SKIC3: variants seen among roughly 807,000 people sequenced by gnomAD.
SKIC3 encodes the protein superkiller complex protein 3.
chr5:95,538,522 C>T, the SKIC3 span, among the ~76,000 whole-genome samples: 2 of 152,054 alleles, frequency 1.3e-5, no homozygotes, highest in African/African-American at 4.8e-5. Flanking sequence ...AATGAACTTC[C>T]TATCCTATAT....
At chr5:95,549,815 T>C in the SKIC3 span, among the ~76,000 whole-genome samples, 35 of 152,044 alleles carry the variant, frequency 2.3e-4, no homozygotes, top group East Asian at 3.3e-3. Context: ...CAAACCCTTA[T>C]TGAGATCCAA....
chr5:95,476,371 C>A, the SKIC3 span, among the ~76,000 whole-genome samples: 1 of 152,138 alleles, frequency 6.6e-6, no homozygotes, highest in Non-Finnish European at 1.5e-5. Context: ...TATCTAGTAT[C>A]TTAGCCAACT....
At chr5:95,520,897 G>A in the SKIC3 span, 8 of 1,083,446 alleles carry the variant, frequency 7.4e-6, no homozygotes, top group African/African-American at 1.3e-4. Flanking sequence ...AAAGTTATTG[G>A]TGTTATTTTA....
chr5:95,484,472 G>C, the SKIC3 span, among the ~76,000 whole-genome samples: 2 of 150,486 alleles, frequency 1.3e-5, no homozygotes, highest in Non-Finnish European at 3.0e-5. Context: ...TCAGCCTCTC[G>C]AGTAGCAGGA....
At chr5:95,472,306 T>G in the SKIC3 span, among the ~76,000 whole-genome samples, 1 of 152,214 alleles carries the variant, frequency 6.6e-6, no homozygotes, top group Non-Finnish European at 1.5e-5. Flanking sequence ...TGCCTACCCT[T>G]GGGATTAATC....
the SKIC3 span, chr5:95,497,508 C>T: frequency 1.2e-6 from 2 of 1,606,564 alleles, no homozygotes; most frequent in Non-Finnish European, 1.7e-6. Context: ...TCAAAAGTAG[C>T]AGGCTTAGGG....
chr5:95,514,840 T>C, the SKIC3 span: 95 of 1,610,146 alleles, frequency 5.9e-5, no homozygotes, highest in Admixed American at 4.5e-4. Flanking sequence ...AGTAACTATA[T>C]GTTATATTTC....
At chr5:95,508,768 T>G in the SKIC3 span, among the ~76,000 whole-genome samples, 1 of 152,230 alleles carries the variant, frequency 6.6e-6, no homozygotes, top group Admixed American at 6.5e-5. Flanking sequence ...CTTTTTTAAT[T>G]TACTGCAAAA....
At chr5:95,534,143 T>C in the SKIC3 span, among the ~76,000 whole-genome samples, 2 of 152,010 alleles carry the variant, frequency 1.3e-5, no homozygotes, top group Admixed American at 1.3e-4. Context: ...CTACTTATCT[T>C]TGGAACACAC....
At chr5:95,514,551 G>A in the SKIC3 span, among the ~76,000 whole-genome samples, 2 of 152,142 alleles carry the variant, frequency 1.3e-5, no homozygotes, top group African/African-American at 4.8e-5. Flanking sequence ...TGTCAGACTG[G>A]TAAGTGTTCA....
At chr5:95,490,397 A>AAT in the SKIC3 span, among the ~76,000 whole-genome samples, 190 of 147,136 alleles carry the variant, frequency 1.3e-3, no homozygotes, top group African/African-American at 1.4e-3. Context: ...ATTTTTAATG[A>AAT]ATATATATAT....
At chr5:95,507,930 C>CAAA in the SKIC3 span, among the ~76,000 whole-genome samples, 1,629 of 138,734 alleles carry the variant, frequency 0.012, 23 homozygotes, top group African/African-American at 0.038. Flanking sequence ...CGATACATAC[C>CAAA]AAAAAAAAAA....
chr5:95,525,727 A>G, the SKIC3 span: 2 of 1,541,806 alleles, frequency 1.3e-6, no homozygotes, highest in Non-Finnish European at 1.8e-6. Context: ...CAACCACAGC[A>G]ATGTTTGCTT....
the SKIC3 span, among the ~76,000 whole-genome samples, chr5:95,536,269 C>T: frequency 6.6e-6 from 1 of 152,184 alleles, no homozygotes; most frequent in African/African-American, 2.4e-5. Flanking sequence ...AATTTAATTA[C>T]TTTATAATAT....
At chr5:95,495,001 C>T in the SKIC3 span, 1 of 1,613,798 alleles carries the variant, frequency 6.2e-7, no homozygotes, top group Non-Finnish European at 8.5e-7. Context: ...AGCCACATTT[C>T]CTGCTACAAC....
the SKIC3 span, chr5:95,522,180 G>A: frequency 8.1e-6 from 13 of 1,613,782 alleles, no homozygotes; most frequent in Non-Finnish European, 1.1e-5. Context: ...ATGGATTCTG[G>A]GTTCAGCTCA....
At chr5:95,473,577 G>A in the SKIC3 span, among the ~76,000 whole-genome samples, 1 of 152,142 alleles carries the variant, frequency 6.6e-6, no homozygotes, top group African/African-American at 2.4e-5. Context: ...CATCCAGCCT[G>A]TTATTTTTTG....
the SKIC3 span, among the ~76,000 whole-genome samples, chr5:95,527,627 A>T: frequency 6.6e-6 from 1 of 152,222 alleles, no homozygotes; most frequent in African/African-American, 2.4e-5. Flanking sequence ...TGAAACAAAT[A>T]AACATTCTCT....
the SKIC3 span, chr5:95,541,246 G>A: frequency 9.8e-6 from 15 of 1,523,286 alleles, no homozygotes; most frequent in South Asian, 1.0e-4. Flanking sequence ...GATTACAGGT[G>A]TGAGTCACCG....
Sources: allele counts gnomAD v4.1 joint callset (sites outside exome capture counted in the v4.1 genomes callset), GRCh38; gene constraint gnomAD v4.1.1; transcripts MANE v1.5; gene names NCBI Gene and HGNC (gene_info 2026-07-23, HGNC 2026-07-21).